Variants in MAML2 observed in about 807,000 individuals in gnomAD.
MAML2 encodes mastermind like transcriptional coactivator 2.
MAML2 carries 22 observed loss-of-function variants against 96.1 expected under a neutral mutation model. The observed-to-expected ratio is 0.23, with a 90% confidence interval of 0.16 to 0.33. The LOEUF (loss-of-function observed/expected upper bound fraction) is 0.33. MAML2 is among the 10% of genes least tolerant of loss of function. The pLI, the probability that MAML2 is intolerant of heterozygous loss-of-function variation, is 1.00. For missense variants in MAML2, 1,367 were observed against 1,392.4 expected, an observed-to-expected ratio of 0.98 and a Z score of 0.29; for synonymous variants, 561 against 521.3, an observed-to-expected ratio of 1.08 and a Z score of -1.04.
At chr11:96,029,723 A>G (rs1858581415) in intron 2 of MAML2, among the ~76,000 whole-genome samples, 2 of 152,282 alleles carry the variant, frequency 1.3e-5, no homozygotes, top group South Asian at 4.1e-4. Flanking sequence ...ACTGGCTTAA[A>G]GCTCTGACTT....
intron 2 of MAML2, among the ~76,000 whole-genome samples, chr11:96,078,752 A>G (rs2067870): frequency 0.32 from 49,396 of 152,168 alleles, 8,631 homozygotes; most frequent in Middle Eastern, 0.41. Context: ...GAATACATCA[A>G]TGGTACTGTT....
Position 96,021,719 on chromosome 11 carries a change from G to A in MAML2, c.2140-29996C>T, listed in dbSNP as rs144480527. Among the ~76,000 whole-genome samples the A allele has an allele frequency of 5.8e-4, 88 of 152,292 alleles. 1 individual carries two copies. The highest frequency in any genetic ancestry group is 1.9e-3 in the African/African-American group (81 of 41,572). On this transcript the variant is annotated intron_variant, in intron 2 of 4. Coordinates refer to ENST00000524717, the MANE Select transcript of MAML2 (RefSeq NM_032427.4). ...ATGGGCAGAACCCCTTTCCCCCATC[G>A]TGCACGTACAGTGTAAGAAAGAAAA...
At chr11:96,341,014 G>T (rs1263264497) in intron 1 of MAML2, among the ~76,000 whole-genome samples, 2 of 152,154 alleles carry the variant, frequency 1.3e-5, no homozygotes, top group Non-Finnish European at 2.9e-5. Context: ...TGGCTTGGGG[G>T]CCTAATCAGA....
chr11:96,094,944 T>C (rs1250592972), intron 1 of MAML2, among the ~76,000 whole-genome samples: 2 of 152,240 alleles, frequency 1.3e-5, no homozygotes, highest in Non-Finnish European at 2.9e-5. Flanking sequence ...TAACTGAGTA[T>C]ATATTACATA....
At position 95,979,439 on chromosome 11, in the gene MAML2, A is replaced by T. The variant is rs1338101795; in HGVS notation, c.2980T>A (p.Tyr994Asn). 2 of 1,613,594 alleles carry T rather than the reference A, an allele frequency of 1.2e-6. No individual in the cohort carries two copies. Among genetic ancestry groups the T allele is most frequent in the South Asian group, 2.2e-5 (2 of 91,010 alleles). ...VRFPTGTPAA[Y>N]TPNQSLQQAV... The stretch of plus-strand genomic sequence containing the variant: ...TGTTGCAGTGACTGATTTGGGGTAT[A>T]GGCTGCAGGTGTACCTGTGGGGAAG... Residue 994 changes from tyrosine to asparagine, a missense_variant, in exon 5 of 5, where the codon TAT becomes AAT. Tyr to Asn is a moderately radical substitution (Grantham distance 143, BLOSUM62 -2). Coordinates refer to ENST00000524717, the MANE Select transcript of MAML2 (RefSeq NM_032427.4).
chr11:96,210,701 G>T (rs1179062640), intron 1 of MAML2, among the ~76,000 whole-genome samples: 1 of 152,118 alleles, frequency 6.6e-6, no homozygotes, highest in Non-Finnish European at 1.5e-5. Context: ...ACTTAGCACA[G>T]CACCTAGCAT....
intron 1 of MAML2, among the ~76,000 whole-genome samples, chr11:96,296,213 A>T (rs1459984208): frequency 6.6e-6 from 1 of 152,030 alleles, no homozygotes; most frequent in African/African-American, 2.4e-5. Context: ...TTTCTTTTTT[A>T]AAAAATGTTA....
In MAML2 at chr11:95,998,141, AGTCTGTCT is replaced by A. The variant is rs200511361; in HGVS notation, c.2140-6426_2140-6419del. Among the ~76,000 whole-genome samples the A allele has an allele frequency of 4.6e-3, 664 of 143,650 alleles. 12 individuals are homozygous for A. In the East Asian group the frequency reaches 0.051, roughly 11 times the overall value. 94.2% of individuals were successfully genotyped at this position (143,650 alleles called of 152,430 possible). On this transcript the variant is annotated intron_variant, in intron 2 of 4. Coordinates refer to ENST00000524717, the MANE Select transcript of MAML2 (RefSeq NM_032427.4). ...CTATCTATCTGTCTGTCTGTCTGTC[AGTCTGTCT>A]GTCTGTCTGTCTGTCTGTCTGTCTG...
chr11:96,014,920 C>G (rs76581689), intron 2 of MAML2, among the ~76,000 whole-genome samples: 1 of 152,308 alleles, frequency 6.6e-6, no homozygotes, highest in East Asian at 1.9e-4. Flanking sequence ...TAATAGCTAT[C>G]ATGTGTTGGA....
Position 95,979,008 on chromosome 11 carries a change from A to G in MAML2, c.3411T>C (p.Pro1137=). 6.2e-7 allele frequency: 1 copy of G among 1,613,914 alleles called. No homozygotes were observed. Among genetic ancestry groups the G allele is most frequent in the Non-Finnish European group, 8.5e-7 (1 of 1,179,868 alleles). ...DFIDSLLKTE[P]GNDDWMKDIN... is the part of the protein sequence containing the mutation. The stretch of plus-strand genomic sequence containing the variant: ...TGTCTTTCATCCAGTCATCATTACC[A>G]GGCTCTGTCTTCAATAAAGAATCAA... The change falls in exon 5 of 5, where the codon CCT becomes CCC. Residue 1137 remains proline, a synonymous_variant. Coordinates refer to ENST00000524717, the MANE Select transcript of MAML2 (RefSeq NM_032427.4).
intron 1 of MAML2, among the ~76,000 whole-genome samples, chr11:96,246,309 A>G (rs1416988327): frequency 6.6e-6 from 1 of 152,130 alleles, no homozygotes; most frequent in African/African-American, 2.4e-5. Flanking sequence ...TGGATTCTGA[A>G]GTATAAGGAG....
chr11:96,277,713 G>A (rs1446417327), intron 1 of MAML2, among the ~76,000 whole-genome samples: 5 of 147,966 alleles, frequency 3.4e-5, no homozygotes, highest in African/African-American at 1.3e-4. Context: ...ACTCCAGCCT[G>A]GGCAACAGAC....
chr11:96,149,347 G>A (rs1045220426), intron 1 of MAML2, among the ~76,000 whole-genome samples: 2 of 149,266 alleles, frequency 1.3e-5, no homozygotes, highest in Non-Finnish European at 3.0e-5. Context: ...AACTCAGGAG[G>A]TGGAGGCTGC....
chr11:96,108,023 A>G (rs926937456), intron 1 of MAML2, among the ~76,000 whole-genome samples: 10 of 152,206 alleles, frequency 6.6e-5, no homozygotes, highest in Non-Finnish European at 1.5e-4. Flanking sequence ...CCCGAAGAAG[A>G]GGTGATAGGA....
At chr11:96,037,732 C>T (rs1858741522) in intron 2 of MAML2, among the ~76,000 whole-genome samples, 1 of 152,182 alleles carries the variant, frequency 6.6e-6, no homozygotes, top group South Asian at 2.1e-4. Context: ...AAAGGCAATT[C>T]ACCCACAGAG....
intron 1 of MAML2, among the ~76,000 whole-genome samples, chr11:96,185,591 G>A (rs569800026): frequency 1.3e-5 from 2 of 152,316 alleles, no homozygotes; most frequent in African/African-American, 4.8e-5. Flanking sequence ...GAACATGTGG[G>A]CCGCAGACTG....
intron 1 of MAML2, among the ~76,000 whole-genome samples, chr11:96,338,653 C>T (rs981937113): frequency 1.3e-5 from 2 of 152,200 alleles, no homozygotes; most frequent in Non-Finnish European, 2.9e-5. Flanking sequence ...GAGGACACAG[C>T]ACATCTTTGA....
At chr11:96,183,040 C>A (rs936721589) in intron 1 of MAML2, among the ~76,000 whole-genome samples, 6 of 150,428 alleles carry the variant, frequency 4.0e-5, no homozygotes, top group Admixed American at 4.0e-4. Flanking sequence ...TCACTGCAAC[C>A]TCTGCCTCCC....
intron 1 of MAML2, among the ~76,000 whole-genome samples, chr11:96,289,132 G>A (rs1863178278): frequency 6.6e-6 from 1 of 152,132 alleles, no homozygotes; most frequent in African/African-American, 2.4e-5. Context: ...AAGACTTGGA[G>A]GGACATCAAA....
Sources: gnomAD v4.1 joint callset for allele counts (sites outside exome capture counted in the v4.1 genomes callset) on GRCh38, gnomAD v4.1.1 for gene constraint, MANE v1.5 for transcripts, NCBI Gene and HGNC (gene_info 2026-07-23, HGNC 2026-07-21) for gene names.